SMIM17: variants seen among roughly 807,000 people sequenced by gnomAD.
SMIM17 encodes small integral membrane protein 17.
In SMIM17, 10 loss-of-function variants were observed where a neutral mutation model predicts 12.2. The ratio of observed to expected loss-of-function variants is 0.82; its 90% confidence interval spans 0.50 to 1.39. SMIM17 has a LOEUF of 1.39. SMIM17 is among the 40% of genes most tolerant of loss of function. The probability of loss-of-function intolerance (pLI) is 0.00; values close to 1 mark genes in which losing one functional copy is unlikely to be tolerated. For synonymous variants in SMIM17, 50 were observed against 44.1 expected, an observed-to-expected ratio of 1.13 and a Z score of -0.53; for missense variants, 136 against 118.2, an observed-to-expected ratio of 1.15 and a Z score of -0.70.
At chr19:56,650,719 T>C (rs2045102617) in intron 3 of SMIM17, among the ~76,000 whole-genome samples, 1 of 152,132 alleles carries the variant, frequency 6.6e-6, no homozygotes, top group Admixed American at 6.5e-5. Context: ...CTGATGACAT[T>C]TCCAGACCTG....
At chr19:56,651,373 C>T (rs145268021) in intron 3 of SMIM17, among the ~76,000 whole-genome samples, 8 of 152,204 alleles carry the variant, frequency 5.3e-5, no homozygotes, top group African/African-American at 1.9e-4. Context: ...TCCCTGTTCT[C>T]CTAGTCACTA....
chr19:56,645,185 G>A (rs1200810407), intron 1 of SMIM17, among the ~76,000 whole-genome samples: 1 of 144,926 alleles, frequency 6.9e-6, no homozygotes, highest in Non-Finnish European at 1.5e-5. Flanking sequence ...GTTAGTCTAT[G>A]TGAGTGTGTG....
intron 3 of SMIM17, among the ~76,000 whole-genome samples, chr19:56,654,507 G>A (rs1195254308): frequency 6.6e-6 from 1 of 152,206 alleles, no homozygotes; most frequent in Non-Finnish European, 1.5e-5. Flanking sequence ...GTGAAGGGAA[G>A]GGAAATGGTC....
intron 3 of SMIM17, among the ~76,000 whole-genome samples, chr19:56,648,393 C>CCATCCATCCATCCATCCACCCATT: frequency 1.3e-5 from 2 of 152,170 alleles, no homozygotes; most frequent in Middle Eastern, 6.8e-3. Context: ...ATCCATCCAT[C>CCATCCATCCATCCATCCACCCATT]CATCCATCCA....
Position 56,656,324 on chromosome 19 carries a change from A to G in SMIM17, c.*1111A>G, listed in dbSNP as rs1229562487. Among the ~76,000 whole-genome samples, 1 of 152,126 alleles carries G rather than the reference A, an allele frequency of 6.6e-6. No individual in the cohort carries two copies. The highest frequency in any genetic ancestry group is 1.5e-5 in the Non-Finnish European group (1 of 68,022). Reference sequence around the variant, plus strand: ...TTAGCTTAATTATGCATAATGTTTTATAATTAAAAATTTCTCTTTATTTTG... The same window carrying G: ...TTAGCTTAATTATGCATAATGTTTTGTAATTAAAAATTTCTCTTTATTTTG... On this transcript the variant is annotated 3_prime_UTR_variant, in exon 4 of 4. Coordinates refer to ENST00000598409, the MANE Select transcript of SMIM17 (RefSeq NM_001193628.2).
intron 3 of SMIM17, 100 bp downstream of exon 3, chr19:56,647,734 T>C: frequency 1.0e-6 from 1 of 997,774 alleles, no homozygotes; most frequent in Non-Finnish European, 1.5e-6. Flanking sequence ...ACCTGCCCCA[T>C]AAAAATCTCA....
intron 3 of SMIM17, among the ~76,000 whole-genome samples, chr19:56,651,017 T>G (rs2045105158): frequency 6.6e-6 from 1 of 152,172 alleles, no homozygotes; most frequent in Non-Finnish European, 1.5e-5. Flanking sequence ...GGGTCAGTTT[T>G]CTGCATGGAC....
At chr19:56,646,074 C>CT (rs927136292) in intron 2 of SMIM17, among the ~76,000 whole-genome samples, 2 of 152,176 alleles carry the variant, frequency 1.3e-5, no homozygotes, top group African/African-American at 2.4e-5. Flanking sequence ...TCAGGGGACA[C>CT]TTTTCCTGCC....
intron 3 of SMIM17, among the ~76,000 whole-genome samples, chr19:56,650,003 T>C (rs1466996813): frequency 6.6e-6 from 1 of 151,976 alleles, no homozygotes; most frequent in African/African-American, 2.4e-5. Context: ...ACAGAATCAC[T>C]CTGGGAGCCC....
chr19:56,646,913 C>T (rs2045067969), intron 2 of SMIM17, among the ~76,000 whole-genome samples: 3 of 152,122 alleles, frequency 2.0e-5, no homozygotes, highest in South Asian at 4.1e-4. Context: ...TCTTTTTCCT[C>T]AGGGGATGAG....
intron 3 of SMIM17, among the ~76,000 whole-genome samples, chr19:56,654,391 G>C (rs1341704769): frequency 6.6e-6 from 1 of 152,228 alleles, no homozygotes; most frequent in East Asian, 1.9e-4. Context: ...GGAGCACTCT[G>C]ACTGGCCCAT....
intron 3 of SMIM17, among the ~76,000 whole-genome samples, chr19:56,652,481 C>T (rs1402896013): frequency 6.6e-6 from 1 of 151,848 alleles, no homozygotes; most frequent in African/African-American, 2.4e-5. Context: ...GGTGAAACCC[C>T]GTCTGTACTA....
Position 56,655,104 on chromosome 19 carries a change from G to C in SMIM17, c.248G>C (p.Gly83Ala), listed in dbSNP as rs1203494373. The C allele has an allele frequency of 1.4e-6, 1 of 690,082 alleles. No individual in the cohort carries two copies. 42.7% of individuals were successfully genotyped at this position (690,082 alleles called of 1,614,324 possible). A position where few individuals can be genotyped will look rare whatever the true frequency, so the allele number is the denominator to read the frequency against. ...EEDDESEGSQ[G>A]FVEWSKAPQQ... ...TCCTTTTCCTTTTTTCTGTTTCAGG[G>C]CTTTGTGGAGTGGTCAAAAGCTCCA... The change falls in exon 4 of 4, where the codon GGC becomes GCC. Residue 83 changes from glycine (G) to alanine (A), a missense_variant and splice_region_variant. By Grantham distance (60) the Gly-to-Ala change is moderately conservative. Transcript: ENST00000598409.
chr19:56,646,617 G>A (rs1276156887), intron 2 of SMIM17, among the ~76,000 whole-genome samples: 2 of 152,134 alleles, frequency 1.3e-5, no homozygotes, highest in East Asian at 3.9e-4. Context: ...ATGTGAGAAT[G>A]GATTGTAGGG....
rs2045157528 is a variant in SMIM17, at chr19:56,657,116, C to T, written c.*1903C>T. Among the ~76,000 whole-genome samples, 1 of 152,176 alleles carries T rather than the reference C, an allele frequency of 6.6e-6. No individual in the cohort carries two copies. The highest frequency in any genetic ancestry group is 2.4e-5 in the African/African-American group (1 of 41,428). ...TTTTATAATCTTTGCTTTATGTACT[C>T]AACAGCTGTGTAATTCGAGGCATAT... is the stretch of plus-strand genomic sequence containing the variant. On this transcript the variant is annotated 3_prime_UTR_variant, in exon 4 of 4. Transcript: ENST00000598409.
Position 56,657,026 on chromosome 19 carries a change from A to G in SMIM17, c.*1813A>G, listed in dbSNP as rs573794991. 1.3e-5 allele frequency among the ~76,000 whole-genome samples: 2 copies of G among 152,250 alleles called. No homozygotes were observed. The highest frequency in any genetic ancestry group is 3.9e-4 in the East Asian group (2 of 5,190). Reference sequence around the variant, plus strand: ...ATGTGTTATCTAATTTTGGCCTATTATATTCATTAAAAACCAATAAGGTTA... The same window carrying G: ...ATGTGTTATCTAATTTTGGCCTATTGTATTCATTAAAAACCAATAAGGTTA... On this transcript the variant is annotated 3_prime_UTR_variant, in exon 4 of 4. Coordinates refer to ENST00000598409, the MANE Select transcript of SMIM17 (RefSeq NM_001193628.2).
At chr19:56,648,465 T>C (rs2045085362) in intron 3 of SMIM17, among the ~76,000 whole-genome samples, 1 of 152,146 alleles carries the variant, frequency 6.6e-6, no homozygotes, top group Non-Finnish European at 1.5e-5. Flanking sequence ...ATTCACCCTT[T>C]TATTCAGATG....
chr19:56,647,245 A>T lies in SMIM17; in HGVS notation c.170-313A>T, dbSNP rs182905515. Among the ~76,000 whole-genome samples the T allele has an allele frequency of 8.9e-4, 136 of 152,212 alleles. 1 individual carries two copies. The highest frequency in any genetic ancestry group is 2.9e-3 in the African/African-American group (120 of 41,534). ...GGACAGGTAAGGGACTGAAGACTCA[A>T]GTGGCAGGGCACATCAGGTGACCCA... On this transcript the variant is annotated intron_variant, in intron 2 of 3. Coordinates refer to ENST00000598409, the MANE Select transcript of SMIM17 (RefSeq NM_001193628.2).
intron 3 of SMIM17, among the ~76,000 whole-genome samples, chr19:56,654,434 G>T (rs2045133079): frequency 6.6e-6 from 1 of 152,222 alleles, no homozygotes; most frequent in Admixed American, 6.5e-5. Flanking sequence ...ATCAAGACAA[G>T]AAACAAAATT....
Sources: allele counts gnomAD v4.1 joint callset (sites outside exome capture counted in the v4.1 genomes callset), GRCh38; gene constraint gnomAD v4.1.1; transcripts MANE v1.5; gene names NCBI Gene and HGNC (gene_info 2026-07-23, HGNC 2026-07-21).